Variants in SLC7A7 observed in about 807,000 individuals in gnomAD.
SLC7A7 encodes solute carrier family 7 member 7, also known as Y+L amino acid transporter 1.
In SLC7A7, 39 loss-of-function variants were observed where a neutral mutation model predicts 47.9. The observed-to-expected ratio is 0.81, with a 90% confidence interval of 0.63 to 1.06. The LOEUF (loss-of-function observed/expected upper bound fraction) is 1.06. SLC7A7 is among the 50% of genes least tolerant of loss of function. The pLI is 0.00. For synonymous variants in SLC7A7, 234 were observed against 242.8 expected, an observed-to-expected ratio of 0.96 and a Z score of 0.34; for missense variants, 588 against 632.0, an observed-to-expected ratio of 0.93 and a Z score of 0.75.
chr14:22,776,107 C>G, intron 5 of SLC7A7, 88 bp downstream of exon 5: 1 of 1,576,938 alleles, frequency 6.3e-7, no homozygotes, highest in Non-Finnish European at 8.7e-7. Flanking sequence ...TCAAGGCTGT[C>G]TACCCCCTTT....
intron 2 of SLC7A7, among the ~76,000 whole-genome samples, chr14:22,804,558 T>C (rs1201034925): frequency 1.3e-5 from 2 of 151,852 alleles, no homozygotes; most frequent in Non-Finnish European, 2.9e-5. Flanking sequence ...GAAAAGGACA[T>C]GAACAAACAC....
At chr14:22,803,376 C>T (rs1465212661) in intron 2 of SLC7A7, among the ~76,000 whole-genome samples, 2 of 152,098 alleles carry the variant, frequency 1.3e-5, no homozygotes, top group African/African-American at 4.8e-5. Flanking sequence ...TGAGATCGTG[C>T]CATTGCACTC....
rs181747798 is a variant in SLC7A7, at chr14:22,801,709, A to G, written c.499+11191T>C. Among the ~76,000 whole-genome samples, 209 of 152,298 alleles carry G rather than the reference A, an allele frequency of 1.4e-3. 1 individual carries two copies. Among genetic ancestry groups the G allele is most frequent in the Non-Finnish European group, 2.4e-3 (163 of 68,026 alleles). The stretch of plus-strand genomic sequence containing the variant: ...AGAATCTCTTGAACCTGGGAAGCAG[A>G]GGTTGCAGTGAGCTGAGATTGCGCC... On this transcript the variant is annotated intron_variant, in intron 2 of 9. Transcript: ENST00000674313.
chr14:22,810,039 CAAAAAAAAAAAAAA>C (rs34386018), intron 2 of SLC7A7, among the ~76,000 whole-genome samples: 1 of 60,694 alleles, frequency 1.6e-5, no homozygotes, highest in Non-Finnish European at 2.8e-5. Context: ...AACACTGTCT[CAAAAAAAAAAAAAA>C]AAAAAAAAAA....
intron 2 of SLC7A7, among the ~76,000 whole-genome samples, chr14:22,790,327 CAAAAAAAAAAAAA>C (rs538548693): frequency 2.4e-5 from 2 of 83,198 alleles, no homozygotes; most frequent in African/African-American, 8.8e-5. Context: ...AAGACTGTCT[CAAAAAAAAAAAAA>C]AAAAAAAAAA....
intron 2 of SLC7A7, among the ~76,000 whole-genome samples, chr14:22,806,178 C>T (rs1467881325): frequency 7.3e-6 from 1 of 136,306 alleles, no homozygotes; most frequent in South Asian, 2.4e-4. Context: ...ATCATTCACA[C>T]ATCAATCTCT....
intron 2 of SLC7A7, among the ~76,000 whole-genome samples, chr14:22,794,340 C>T (rs1307535287): frequency 6.6e-6 from 1 of 152,194 alleles, no homozygotes; most frequent in Non-Finnish European, 1.5e-5. Flanking sequence ...GCTCTCCTTC[C>T]TGGAACTCAG....
rs58930730 is a variant in SLC7A7 at position 22,812,773 on chromosome 14, C to CTATATATATATATATATATATATA, written c.499+126_499+127insTATATATATATATATATATATATA. 2,708 of 438,412 alleles carry CTATATATATATATATATATATATA rather than the reference C, an allele frequency of 6.2e-3. 120 individuals are homozygous for CTATATATATATATATATATATATA. The highest frequency in any genetic ancestry group is 9.7e-3 in the Admixed American group (203 of 20,856). The allele number at this position is 438,412 out of a possible 1,614,324, so 27.2% of individuals were successfully genotyped here. ...AATTTTCACACAAAGCATACTTTAA[C>CTATATATATATATATATATATATA]TATATATATATATATATATGTTGTC... On this transcript the variant is annotated intron_variant, in intron 2 of 9. Transcript: ENST00000674313.
chr14:22,818,460 TC>T (rs199582318), upstream of SLC7A7, among the ~76,000 whole-genome samples: 81 of 151,928 alleles, frequency 5.3e-4, no homozygotes, highest in East Asian at 0.013. Flanking sequence ...CTCACATTTC[TC>T]CCTGAGACCC....
chr14:22,773,630 G>A lies in SLC7A7; in HGVS notation c.1516C>T (p.Arg506Trp), dbSNP rs138506427. 65 of 1,614,028 alleles carry A rather than the reference G, an allele frequency of 4.0e-5. No homozygotes were observed. The highest frequency in any genetic ancestry group is 1.8e-4 in the South Asian group (16 of 91,082). ...LEDGGEMPKQ[R>W]DPKSN ...GGTGTTTAGTTAGATTTGGGATCCC[G>A]TTGCTTGGGCATCTCTCCTCCATCT... Residue 506 changes from arginine to tryptophan, a missense_variant, in exon 10 of 10, where the codon CGG (arginine) becomes TGG (tryptophan). Coordinates refer to ENST00000674313, the MANE Select transcript of SLC7A7 (RefSeq NM_003982.4).
At chr14:22,791,455 C>T (rs2038922514) in intron 2 of SLC7A7, among the ~76,000 whole-genome samples, 1 of 152,164 alleles carries the variant, frequency 6.6e-6, no homozygotes, top group Non-Finnish European at 1.5e-5. Context: ...TATCTTCTGA[C>T]TGGTGACATC....
chr14:22,788,704 G>GA (rs2038869759), intron 2 of SLC7A7, among the ~76,000 whole-genome samples: 1 of 139,436 alleles, frequency 7.2e-6, no homozygotes, highest in African/African-American at 2.9e-5. Flanking sequence ...ACTCTGTCTG[G>GA]GAAAAAAAAA....
intron 4 of SLC7A7, 26 bp from the exon 5 acceptor site, chr14:22,776,344 C>T: frequency 6.2e-7 from 1 of 1,614,150 alleles, no homozygotes; most frequent in Non-Finnish European, 8.5e-7. Flanking sequence ...ATAAAATGCA[C>T]ATTAGTCCCA....
intron 2 of SLC7A7, among the ~76,000 whole-genome samples, chr14:22,788,149 TC>T (rs1280846225): frequency 6.6e-6 from 1 of 152,194 alleles, no homozygotes; most frequent in Non-Finnish European, 1.5e-5. Context: ...TCTGTATTTG[TC>T]ATTATTCCAC....
intron 1 of SLC7A7, among the ~76,000 whole-genome samples, 185 bp from the exon 2 acceptor site, chr14:22,813,625 T>G (rs1306084190): frequency 6.6e-6 from 1 of 152,110 alleles, no homozygotes; most frequent in African/African-American, 2.4e-5. Flanking sequence ...ATCTATGTAT[T>G]TATTTATTTA....
intron 6 of SLC7A7, 66 bp from the exon 7 acceptor site, chr14:22,775,606 C>A: frequency 1.5e-6 from 2 of 1,314,440 alleles, no homozygotes; most frequent in Non-Finnish European, 2.2e-6. Flanking sequence ...GTTCACCTGC[C>A]ACATGGCCCT....
intron 2 of SLC7A7, among the ~76,000 whole-genome samples, chr14:22,811,780 A>C (rs1247723605): frequency 1.3e-5 from 2 of 150,922 alleles, no homozygotes; most frequent in African/African-American, 2.4e-5. Flanking sequence ...TGAACCCAGA[A>C]GATGGAGGTT....
intron 2 of SLC7A7, among the ~76,000 whole-genome samples, chr14:22,802,248 C>T (rs2039127900): frequency 6.6e-6 from 1 of 152,128 alleles, no homozygotes; most frequent in East Asian, 1.9e-4. Flanking sequence ...ACTAAAAATA[C>T]AAAAATTAGC....
Position 22,778,808 on chromosome 14 carries a change from A to T in SLC7A7, c.755T>A (p.Ile252Asn), listed in dbSNP as rs760849909. The change falls in exon 4 of 10, where the codon ATC becomes AAC. Residue 252 changes from isoleucine to asparagine, a missense_variant. Ile to Asn is a moderately radical substitution (Grantham distance 149). Coordinates refer to ENST00000674313, the MANE Select transcript of SLC7A7 (RefSeq NM_003982.4). ...CAGTACCTACCTCTCAGGATTCTTG[A>T]TCTCTTCAGTGACATAGTTGAGGGT... The part of the protein sequence containing the change: ...WDTLNYVTEE[I>N]KNPERNLPLS... 1.5e-5 allele frequency: 24 copies of T among 1,614,128 alleles called. No homozygotes were observed. The highest frequency in any genetic ancestry group is 2.0e-5 in the Non-Finnish European group (24 of 1,180,014).
Sources: gnomAD v4.1 joint callset for allele counts (sites outside exome capture counted in the v4.1 genomes callset) on GRCh38, gnomAD v4.1.1 for gene constraint, MANE v1.5 for transcripts, NCBI Gene and HGNC (gene_info 2026-07-23, HGNC 2026-07-21) for gene names.